The following LRRC4C variants were observed in gnomAD, a reference collection of about 807,000 sequenced individuals.
LRRC4C encodes leucine rich repeat containing 4C.
LRRC4C carries 5 observed loss-of-function variants against 33.6 expected under a neutral mutation model. That is an observed-to-expected ratio of 0.15 (90% CI 0.08 to 0.31). The LOEUF (loss-of-function observed/expected upper bound fraction) is 0.31. Among genes scored for constraint, LRRC4C ranks in the 10% least tolerant of loss-of-function variants. The pLI is 1.00. For missense variants in LRRC4C, 560 were observed against 796.7 expected, an observed-to-expected ratio of 0.70 and a Z score of 3.58; for synonymous variants, 329 against 302.0, an observed-to-expected ratio of 1.09 and a Z score of -0.93.
intron 3 of LRRC4C, among the ~76,000 whole-genome samples, chr11:40,567,948 A>G (rs557424268): frequency 3.9e-5 from 6 of 152,262 alleles, no homozygotes; most frequent in East Asian, 1.9e-4. Context: ...TTAAAATACT[A>G]TCTCATCAGT....
chr11:41,013,972 AG>A (rs1217174903), intron 1 of LRRC4C, among the ~76,000 whole-genome samples: 3 of 152,150 alleles, frequency 2.0e-5, no homozygotes, highest in African/African-American at 7.2e-5. Context: ...CCAAGCCATG[AG>A]GGATCCACCC....
At chr11:41,359,868 T>G (rs1952289343) in intron 1 of LRRC4C, among the ~76,000 whole-genome samples, 1 of 152,260 alleles carries the variant, frequency 6.6e-6, no homozygotes, top group African/African-American at 2.4e-5. Context: ...TTCATCTATA[T>G]GTTTTCTGAA....
At chr11:40,961,841 A>T (rs865967673) in intron 1 of LRRC4C, among the ~76,000 whole-genome samples, 52 of 151,820 alleles carry the variant, frequency 3.4e-4, no homozygotes, top group Non-Finnish European at 4.4e-4. Flanking sequence ...TTTTAAAAAA[A>T]CCTTTGAGAA....
chr11:40,956,967 T>G (rs958080162), intron 1 of LRRC4C, among the ~76,000 whole-genome samples: 3 of 151,766 alleles, frequency 2.0e-5, no homozygotes, highest in African/African-American at 4.8e-5. Flanking sequence ...TAAAGGGAAC[T>G]CAGAGGCAAA....
chr11:40,285,308 C>G (rs1278896275), intron 4 of LRRC4C, among the ~76,000 whole-genome samples: 1 of 151,998 alleles, frequency 6.6e-6, no homozygotes, highest in African/African-American at 2.4e-5. Flanking sequence ...AAAGTGATAT[C>G]AATAAAGTGA....
intron 2 of LRRC4C, among the ~76,000 whole-genome samples, chr11:40,663,109 C>A (rs1379601967): frequency 6.6e-6 from 1 of 152,134 alleles, no homozygotes; most frequent in Admixed American, 6.5e-5. Context: ...GAGACGGAGT[C>A]TCACTCTGTT....
At position 40,632,609 on chromosome 11, in the gene LRRC4C, A is replaced by G. The variant is rs539268365; in HGVS notation, c.-270+15533T>C. Among the ~76,000 whole-genome samples, 7 of 152,358 alleles carry G rather than the reference A, an allele frequency of 4.6e-5. No homozygotes were observed. In the South Asian group the frequency reaches 1.4e-3, roughly 32 times the overall value. On this transcript the variant is annotated intron_variant, in intron 3 of 6. Coordinates refer to ENST00000528697, the MANE Select transcript of LRRC4C (RefSeq NM_001258419.2). The stretch of plus-strand genomic sequence containing the variant: ...TTTTAAATGTAGCTTTAAATACTGT[A>G]CAGAGAAATTAAAACACTTATGTAA...
At chr11:41,272,948 T>C (rs1949366586) in intron 1 of LRRC4C, among the ~76,000 whole-genome samples, 1 of 152,186 alleles carries the variant, frequency 6.6e-6, no homozygotes, top group African/African-American at 2.4e-5. Context: ...CTGAACTTAA[T>C]GCTTAGTTCA....
chr11:40,559,448 G>T (rs2135495483), intron 3 of LRRC4C, among the ~76,000 whole-genome samples: 1 of 152,256 alleles, frequency 6.6e-6, no homozygotes, highest in African/African-American at 2.4e-5. Context: ...GCCTCCCAAA[G>T]TGCTGGGATT....
Position 40,905,449 on chromosome 11 carries a change from A to C in LRRC4C, c.-407+28186T>G, listed in dbSNP as rs1956376670. On this transcript the variant is annotated intron_variant, in intron 2 of 6. Transcript: ENST00000528697. ...ATCCTGAAAAGGGTCATGTGAACAA[A>C]CTCTATTGCTGAGTTTTCAAATGGT... Among the ~76,000 whole-genome samples, 4 of 152,150 alleles carry C rather than the reference A, an allele frequency of 2.6e-5. No individual in the cohort carries two copies. In the South Asian group the frequency reaches 6.2e-4, roughly 24 times the overall value.
intron 1 of LRRC4C, among the ~76,000 whole-genome samples, chr11:41,083,263 G>A (rs1590484876): frequency 6.6e-6 from 1 of 151,882 alleles, no homozygotes; most frequent in Non-Finnish European, 1.5e-5. Context: ...TTAACTGCAA[G>A]CAGAATAGGA....
chr11:40,718,795 ACTTT>A (rs1946860120), intron 2 of LRRC4C, among the ~76,000 whole-genome samples: 1 of 152,134 alleles, frequency 6.6e-6, no homozygotes, highest in African/African-American at 2.4e-5. Flanking sequence ...GACATCTCTT[ACTTT>A]CTTTTATTCC....
chr11:41,344,226 CTTTTT>C (rs34736782), intron 1 of LRRC4C, among the ~76,000 whole-genome samples: 1 of 118,426 alleles, frequency 8.4e-6, no homozygotes, highest in Non-Finnish European at 1.7e-5. Context: ...TGAAGCCTTT[CTTTTT>C]TTTTTTTTTT....
At chr11:40,897,449 T>C (rs1347947154) in intron 2 of LRRC4C, among the ~76,000 whole-genome samples, 1 of 152,160 alleles carries the variant, frequency 6.6e-6, no homozygotes, top group Non-Finnish European at 1.5e-5. Context: ...ATTAATTGAA[T>C]CATCATGTCA....
At chr11:41,438,832 C>A (rs928671137) in intron 1 of LRRC4C, among the ~76,000 whole-genome samples, 3 of 151,956 alleles carry the variant, frequency 2.0e-5, no homozygotes, top group Non-Finnish European at 4.4e-5. Flanking sequence ...GTAAGGAAAC[C>A]GATTTGATTC....
At chr11:40,381,645 C>T (rs932608866) in intron 3 of LRRC4C, among the ~76,000 whole-genome samples, 5 of 152,042 alleles carry the variant, frequency 3.3e-5, no homozygotes, top group African/African-American at 1.2e-4. Flanking sequence ...TAAGTTGTCT[C>T]AGAACCTGAG....
chr11:41,202,376 C>G (rs1946433828), intron 1 of LRRC4C, among the ~76,000 whole-genome samples: 1 of 152,186 alleles, frequency 6.6e-6, no homozygotes, highest in African/African-American at 2.4e-5. Flanking sequence ...GTTAATTCAG[C>G]TGCTCCATCC....
Position 40,553,914 on chromosome 11 carries a change from TC to T in LRRC4C, c.-270+94227del, listed in dbSNP as rs201103488. ...TTGCCTGTGTGCTCTGTTGATAGTT[TC>T]TTTTTTGTGTGTGTGCAGAAGCTCT... is the stretch of plus-strand genomic sequence containing the variant. On this transcript the variant is annotated intron_variant, in intron 3 of 6. Coordinates refer to ENST00000528697, the MANE Select transcript of LRRC4C (RefSeq NM_001258419.2). Among the ~76,000 whole-genome samples, 544 of 150,244 alleles carry T rather than the reference TC, an allele frequency of 3.6e-3. 2 individuals carry two copies. Among genetic ancestry groups the T allele is most frequent in the Non-Finnish European group, 6.0e-3 (405 of 68,014 alleles).
At chr11:40,275,494 C>T (rs1943038606) in intron 4 of LRRC4C, among the ~76,000 whole-genome samples, 1 of 152,116 alleles carries the variant, frequency 6.6e-6, no homozygotes, top group South Asian at 2.1e-4. Flanking sequence ...ACGGAGCCCA[C>T]AGAAGCAGGT....
Sources: allele counts gnomAD v4.1 joint callset (sites outside exome capture counted in the v4.1 genomes callset), GRCh38; gene constraint gnomAD v4.1.1; transcripts MANE v1.5; gene names NCBI Gene and HGNC (gene_info 2026-07-23, HGNC 2026-07-21).